UTP20: variants seen among roughly 807,000 people sequenced by gnomAD.
UTP20 encodes the protein UTP20 small subunit processome component.
In UTP20, 164 loss-of-function variants were observed where a neutral mutation model predicts 329.5. The ratio of observed to expected loss-of-function variants is 0.50; its 90% confidence interval spans 0.44 to 0.57. The LOEUF is 0.57. Among genes scored for constraint, UTP20 ranks in the 20% least tolerant of loss-of-function variants. The pLI is 0.00. For synonymous variants in UTP20, 1,151 were observed against 1,159.3 expected, an observed-to-expected ratio of 0.99 and a Z score of 0.14; for missense variants, 3,055 against 3,284.2, an observed-to-expected ratio of 0.93 and a Z score of 1.71.
intron 22 of UTP20, 114 bp downstream of exon 22, chr12:101,317,777 T>G: frequency 4.7e-5 from 52 of 1,107,364 alleles, no homozygotes; most frequent in Non-Finnish European, 6.0e-5. Context: ...ACGTAAGCGC[T>G]ACATCTTCCT....
intron 14 of UTP20, among the ~76,000 whole-genome samples, chr12:101,300,341 T>G (rs1872487524): frequency 6.6e-6 from 1 of 152,130 alleles, no homozygotes; most frequent in Admixed American, 6.5e-5. Context: ...CAGGTCCTCT[T>G]TTTCATCTCC....
chr12:101,375,545 T>C, intron 55 of UTP20, 79 bp from the exon 56 acceptor site: 1 of 1,485,336 alleles, frequency 6.7e-7, no homozygotes, highest in Non-Finnish European at 9.2e-7. Flanking sequence ...AACGGGTGGA[T>C]TGATGTGCTG....
intron 10 of UTP20, 105 bp downstream of exon 10, chr12:101,292,209 G>A: frequency 7.9e-7 from 1 of 1,259,322 alleles, no homozygotes; most frequent in Non-Finnish European, 1.1e-6. Context: ...CTGCCCTCAA[G>A]GAATTTATAA....
Position 101,312,025 on chromosome 12 carries a change from CT to C in UTP20, c.2312-8del. On this transcript the variant is annotated splice_polypyrimidine_tract_variant and intron_variant, in intron 20 of 61. Coordinates refer to ENST00000261637, the MANE Select transcript of UTP20 (RefSeq NM_014503.3). Reference sequence around the variant, plus strand: ...TTTGTCTGGTGGTTATGACAACTTTCTTTCTTGCAGAGAAGGAACTACAGAA... The same window carrying C: ...TTTGTCTGGTGGTTATGACAACTTTCTTCTTGCAGAGAAGGAACTACAGAA... 6.2e-7 allele frequency: 1 copy of C among 1,613,868 alleles called. No homozygotes were observed. Among genetic ancestry groups the C allele is most frequent in the Non-Finnish European group, 8.5e-7 (1 of 1,179,812 alleles).
Position 101,338,928 on chromosome 12 carries a change from A to C in UTP20, c.3984A>C (p.Gln1328His). 1 of 1,605,320 alleles carries C rather than the reference A, an allele frequency of 6.2e-7. No homozygotes were observed. Among genetic ancestry groups the C allele is most frequent in the Non-Finnish European group, 8.5e-7 (1 of 1,178,120 alleles). Residue 1328 changes from glutamine (Q) to histidine (H), a missense_variant, in exon 31 of 62, where the codon CAA (glutamine) becomes CAC (histidine). Gln to His is a conservative substitution (Grantham distance 24). Coordinates refer to ENST00000261637, the MANE Select transcript of UTP20 (RefSeq NM_014503.3). ...EKVKKKKNRA[Q>H]VSKELGILSK... is the part of the protein sequence containing the mutation. Reference sequence around the variant, plus strand: ...TGAAAAAGAAAAAGAATAGAGCACAAGTCAGTAAAGAGCTTGGCATTCTTT... The same window carrying C: ...TGAAAAAGAAAAAGAATAGAGCACACGTCAGTAAAGAGCTTGGCATTCTTT...
chr12:101,280,543 G>T (rs1037933323), intron 1 of UTP20, among the ~76,000 whole-genome samples: 2 of 152,220 alleles, frequency 1.3e-5, no homozygotes, highest in Non-Finnish European at 2.9e-5. Flanking sequence ...TATGGGGTCT[G>T]GCCAGTCCTG....
chr12:101,373,606 G>A lies in UTP20; in HGVS notation c.6970G>A (p.Gly2324Arg), dbSNP rs142260891. The A allele has an allele frequency of 8.1e-6, 13 of 1,611,426 alleles. No homozygotes were observed. Among genetic ancestry groups the A allele is most frequent in the Non-Finnish European group, 9.3e-6 (11 of 1,179,068 alleles). The change falls in exon 54 of 62, where the codon GGA becomes AGA. Residue 2324 changes from glycine (G) to arginine (R), a missense_variant. Gly to Arg is a moderately radical substitution (Grantham distance 125). Around this residue, in one of 3 missense-constraint regions of UTP20, gnomAD observed 273 missense variants for 363.1 expected, o/e 0.75. Transcript: ENST00000261637. ...FPQGLLHENC[G>R]MFFIPLCLMT... ...TTAGGGGCTGCTCCATGAGAACTGC[G>A]GAATGTTCTTTATCCCTCTTTGTCT...
At chr12:101,343,158 C>T (rs577015505) in intron 35 of UTP20, 65 bp downstream of exon 35, 1 of 1,165,576 alleles carries the variant, frequency 8.6e-7, no homozygotes, top group Admixed American at 3.1e-5. Flanking sequence ...CTGCCTAATA[C>T]AGTGACCTGA....
chr12:101,295,810 T>C, intron 12 of UTP20, 152 bp downstream of exon 12: 1 of 787,644 alleles, frequency 1.3e-6, no homozygotes. Context: ...GCTACACACA[T>C]AGTACGTATA....
intron 58 of UTP20, 147 bp downstream of exon 58, chr12:101,381,358 C>A: frequency 4.6e-6 from 3 of 654,144 alleles, no homozygotes; most frequent in South Asian, 1.9e-5. Flanking sequence ...CATGGCGAAA[C>A]CCCATCTCTA....
chr12:101,323,520 C>G (rs972050278), intron 25 of UTP20, among the ~76,000 whole-genome samples: 2 of 152,032 alleles, frequency 1.3e-5, no homozygotes, highest in Admixed American at 6.6e-5. Flanking sequence ...TTAATTCTTG[C>G]TAATTTGTCA....
Position 101,317,570 on chromosome 12 carries a change from A to G in UTP20, c.2645A>G (p.Glu882Gly), listed in dbSNP as rs1873013791. ...ATGGTGGCAGAGGAAATCGAAGAGG[A>G]ACCTGCCGCAGGAGATGATGAAGAG... ...KGMVAEEIEE[E>G]PAAGDDEELE... Residue 882 changes from glutamate (E) to glycine (G), a missense_variant, in exon 22 of 62, where the codon GAA becomes GGA. Physicochemically the swap from Glu to Gly is moderately conservative, Grantham distance 98. This residue lies in a region of UTP20 where 2,445 missense variants were observed against 2,575.5 expected (regional missense o/e 0.95). Coordinates refer to ENST00000261637, the MANE Select transcript of UTP20 (RefSeq NM_014503.3). 1.9e-6 allele frequency: 3 copies of G among 1,614,180 alleles called. No individual in the cohort carries two copies. Among genetic ancestry groups the G allele is most frequent in the Non-Finnish European group, 2.5e-6 (3 of 1,180,024 alleles).
At chr12:101,345,440 T>G (rs1463506442) in intron 36 of UTP20, 114 bp from the exon 37 acceptor site, 1 of 749,710 alleles carries the variant, frequency 1.3e-6, no homozygotes, top group East Asian at 2.9e-5. Context: ...TGACTTTTTT[T>G]TTTAACAGTG....
rs1870371918 is a variant in UTP20 at position 101,373,618 on chromosome 12, A to T, written c.6982A>T (p.Ile2328Phe). The T allele has an allele frequency of 1.2e-6, 2 of 1,612,286 alleles. No individual in the cohort carries two copies. Among genetic ancestry groups the T allele is most frequent in the Non-Finnish European group, 1.7e-6 (2 of 1,179,576 alleles). Residue 2328 changes from isoleucine to phenylalanine, a missense_variant, in exon 54 of 62, where the codon ATC becomes TTC. By Grantham distance (21) the Ile-to-Phe change is conservative (BLOSUM62 0). Transcript: ENST00000261637. ...CCATGAGAACTGCGGAATGTTCTTT[A>T]TCCCTCTTTGTCTAATGACGATCAA... The part of the protein sequence containing the change: ...LLHENCGMFF[I>F]PLCLMTINDD...
chr12:101,360,925 T>C (rs10219562), intron 43 of UTP20, among the ~76,000 whole-genome samples: 33,347 of 152,146 alleles, frequency 0.22, 8,302 homozygotes, highest in African/African-American at 0.58. Flanking sequence ...TAGCCTATGA[T>C]CATTATCTGA....
At chr12:101,325,121 C>T (rs1868510984) in intron 25 of UTP20, among the ~76,000 whole-genome samples, 1 of 152,188 alleles carries the variant, frequency 6.6e-6, no homozygotes. Context: ...CTTTTGACAT[C>T]TCATTTTACT....
intron 32 of UTP20, 79 bp from the exon 33 acceptor site, chr12:101,342,367 A>G (rs1869168240): frequency 8.7e-7 from 1 of 1,144,530 alleles, no homozygotes; most frequent in Non-Finnish European, 1.2e-6. Context: ...ATTGTTTTCT[A>G]TGCTATAATA....
intron 38 of UTP20, among the ~76,000 whole-genome samples, chr12:101,347,938 C>T (rs184935004): frequency 5.9e-4 from 90 of 152,294 alleles, no homozygotes; most frequent in African/African-American, 2.1e-3. Context: ...CAGTGATTCT[C>T]CTGCCTCAGC....
intron 5 of UTP20, among the ~76,000 whole-genome samples, chr12:101,288,316 A>T (rs1483053032): frequency 6.6e-6 from 1 of 152,222 alleles, no homozygotes; most frequent in Non-Finnish European, 1.5e-5. Flanking sequence ...CATTAGGGAG[A>T]CCAAATTTAA....
Sources: gnomAD v4.1 joint callset for allele counts (sites outside exome capture counted in the v4.1 genomes callset) on GRCh38, gnomAD v4.1.1 for gene constraint, gnomAD v4.1.1 regional missense constraint, MANE v1.5 for transcripts, NCBI Gene and HGNC (gene_info 2026-07-23, HGNC 2026-07-21) for gene names.